The following STK39 variants were observed in gnomAD, a reference collection of about 807,000 sequenced individuals.
The protein encoded by STK39 is serine/threonine kinase 39, also known as STE20/SPS1-related proline-alanine-rich protein kinase.
STK39 carries 20 observed loss-of-function variants against 77.8 expected under a neutral mutation model. That is an observed-to-expected ratio of 0.26 (90% CI 0.18 to 0.37). The LOEUF (loss-of-function observed/expected upper bound fraction) is 0.37, where lower values mean the gene tolerates loss of function less well. Among genes scored for constraint, STK39 ranks in the 10% least tolerant of loss-of-function variants. The probability of loss-of-function intolerance (pLI) is 1.00; values close to 1 mark genes in which losing one functional copy is unlikely to be tolerated. For missense variants in STK39, 479 were observed against 656.5 expected, an observed-to-expected ratio of 0.73 and a Z score of 2.95; for synonymous variants, 246 against 234.1, an observed-to-expected ratio of 1.05 and a Z score of -0.47.
chr2:168,243,076 G>A (rs1320103576), intron 1 of STK39, among the ~76,000 whole-genome samples: 1 of 152,132 alleles, frequency 6.6e-6, no homozygotes, highest in Admixed American at 6.5e-5. Flanking sequence ...CACTGCAGCA[G>A]CAAGGCAGCC....
chr2:168,077,924 G>T (rs57028150), intron 10 of STK39, among the ~76,000 whole-genome samples: 143 of 149,390 alleles, frequency 9.6e-4, no homozygotes, highest in East Asian at 6.6e-3. Flanking sequence ...AAAAAGTGCA[G>T]AAAAGCTTCC....
intron 16 of STK39, among the ~76,000 whole-genome samples, chr2:167,981,979 C>A (rs569612409): frequency 6.6e-6 from 1 of 152,140 alleles, no homozygotes; most frequent in Non-Finnish European, 1.5e-5. Flanking sequence ...TCAGTGCCGA[C>A]GTCCTTGCCA....
intron 17 of STK39, among the ~76,000 whole-genome samples, chr2:167,962,764 T>G (rs556093218): frequency 1.2e-4 from 18 of 152,306 alleles, no homozygotes; most frequent in African/African-American, 2.6e-4. Context: ...TGTACAGCCC[T>G]AAGGCTGCAG....
chr2:167,985,605 G>A (rs1257120512), intron 16 of STK39, among the ~76,000 whole-genome samples: 1 of 152,120 alleles, frequency 6.6e-6, no homozygotes, highest in East Asian at 1.9e-4. Flanking sequence ...ACCTGGCAGT[G>A]CATCTTAATG....
chr2:168,093,181 CCTT>C (rs1233133931), intron 10 of STK39, among the ~76,000 whole-genome samples: 1 of 152,226 alleles, frequency 6.6e-6, no homozygotes, highest in Non-Finnish European at 1.5e-5. Flanking sequence ...ATAAAGCTCT[CCTT>C]ATCCTTCACC....
At chr2:167,974,742 C>G (rs1683228720) in intron 16 of STK39, among the ~76,000 whole-genome samples, 3 of 152,088 alleles carry the variant, frequency 2.0e-5, no homozygotes. Flanking sequence ...ATGCAAAATG[C>G]TAGAGTATAG....
intron 1 of STK39, among the ~76,000 whole-genome samples, chr2:168,246,739 G>T (rs1430493122): frequency 6.6e-6 from 1 of 152,174 alleles, no homozygotes; most frequent in Non-Finnish European, 1.5e-5. Context: ...CGACGAGAGG[G>T]TCACGACGGG....
chr2:168,144,169 C>T (rs188435087), intron 5 of STK39, among the ~76,000 whole-genome samples: 76 of 152,276 alleles, frequency 5.0e-4, no homozygotes, highest in Non-Finnish European at 9.0e-4. Context: ...GGAAACATTA[C>T]AGGACTAATG....
intron 10 of STK39, among the ~76,000 whole-genome samples, chr2:168,088,238 A>T (rs954019194): frequency 1.1e-4 from 17 of 152,222 alleles, no homozygotes; most frequent in African/African-American, 3.9e-4. Context: ...AAATGTCACT[A>T]CCAAGGGGGT....
At chr2:168,178,111 TGTAA>T (rs1434566394) in intron 2 of STK39, among the ~76,000 whole-genome samples, 1 of 152,236 alleles carries the variant, frequency 6.6e-6, no homozygotes, top group Non-Finnish European at 1.5e-5. Context: ...GCTCTAAAAC[TGTAA>T]GTATCTCCTA....
At chr2:168,035,724 G>A (rs917349384) in intron 14 of STK39, among the ~76,000 whole-genome samples, 5 of 152,172 alleles carry the variant, frequency 3.3e-5, no homozygotes, top group African/African-American at 1.2e-4. Context: ...ATGGCATTCA[G>A]AGCTGGAAGG....
chr2:168,119,328 G>A (rs1559106439), intron 10 of STK39, among the ~76,000 whole-genome samples: 1 of 152,102 alleles, frequency 6.6e-6, no homozygotes, highest in Admixed American at 6.5e-5. Flanking sequence ...GCTCTAAGGA[G>A]AACTGCAGAA....
intron 1 of STK39, among the ~76,000 whole-genome samples, chr2:168,214,946 A>G (rs1689989536): frequency 6.6e-6 from 1 of 152,176 alleles, no homozygotes; most frequent in South Asian, 2.1e-4. Flanking sequence ...GTTTTTACCC[A>G]GTAGTATATC....
chr2:168,109,824 C>A (rs1687075242), intron 10 of STK39, among the ~76,000 whole-genome samples: 1 of 152,168 alleles, frequency 6.6e-6, no homozygotes, highest in African/African-American at 2.4e-5. Flanking sequence ...TGCTGCACAT[C>A]CTTTGATATA....
intron 5 of STK39, among the ~76,000 whole-genome samples, chr2:168,151,529 G>A (rs1688281971): frequency 6.6e-6 from 1 of 152,116 alleles, no homozygotes; most frequent in Non-Finnish European, 1.5e-5. Flanking sequence ...AAGGTCAGGA[G>A]ATCGAGACCA....
chr2:168,036,312 AT>A (rs1357450614), intron 14 of STK39, among the ~76,000 whole-genome samples: 1 of 152,110 alleles, frequency 6.6e-6, no homozygotes, highest in African/African-American at 2.4e-5. Flanking sequence ...CAATCACTCT[AT>A]TCATTTTTAA....
chr2:168,004,528 C>A (rs1022718073), intron 16 of STK39, among the ~76,000 whole-genome samples: 1 of 151,820 alleles, frequency 6.6e-6, no homozygotes, highest in African/African-American at 2.4e-5. Flanking sequence ...GTCAGGAGAT[C>A]GAGACCATTC....
At chr2:168,033,488 T>C (rs1684877778) in intron 14 of STK39, among the ~76,000 whole-genome samples, 1 of 152,232 alleles carries the variant, frequency 6.6e-6, no homozygotes. Flanking sequence ...TGGCCTACTC[T>C]GGCCTTGGTA....
At chr2:168,112,250 G>C (rs564621415) in intron 10 of STK39, among the ~76,000 whole-genome samples, 1 of 152,136 alleles carries the variant, frequency 6.6e-6, no homozygotes, top group Non-Finnish European at 1.5e-5. Flanking sequence ...CAGAGCAGTG[G>C]TCTTCACACT....
Sources: allele counts gnomAD v4.1 joint callset (sites outside exome capture counted in the v4.1 genomes callset), GRCh38; gene constraint gnomAD v4.1.1; transcripts MANE v1.5; gene names NCBI Gene and HGNC (gene_info 2026-07-23, HGNC 2026-07-21).